Variants in UVRAG observed in about 807,000 individuals in gnomAD.
UVRAG encodes UV radiation resistance associated.
Under a neutral mutation model 78.0 loss-of-function variants are expected in UVRAG, and 19 were observed. The ratio of observed to expected loss-of-function variants is 0.24; its 90% CI spans 0.17 to 0.36. UVRAG has a LOEUF of 0.36. Ranked by LOEUF, UVRAG falls within the 10% of genes least tolerant of loss-of-function variation. The probability of loss-of-function intolerance (pLI) is 1.00; values close to 1 mark genes in which losing one functional copy is unlikely to be tolerated. For synonymous variants in UVRAG, 323 were observed against 324.6 expected (o/e 1.00, Z 0.05); for missense variants, 740 against 853.8 (o/e 0.87, Z 1.66).
intron 13 of UVRAG, among the ~76,000 whole-genome samples, chr11:76,082,865 A>G (rs540486237): frequency 6.6e-6 from 1 of 152,144 alleles, no homozygotes; most frequent in East Asian, 1.9e-4. Context: ...CCTCATCTCT[A>G]CTAAAAATGC....
At chr11:76,017,713 A>C (rs1454930773) in intron 12 of UVRAG, among the ~76,000 whole-genome samples, 1 of 152,182 alleles carries the variant, frequency 6.6e-6, no homozygotes, top group Non-Finnish European at 1.5e-5. Context: ...GGAACAATGG[A>C]AGCCAGATGG....
chr11:75,938,779 C>A (rs1394075092), intron 6 of UVRAG, among the ~76,000 whole-genome samples: 1 of 152,178 alleles, frequency 6.6e-6, no homozygotes, highest in African/African-American at 2.4e-5. Context: ...GATCAGTACT[C>A]AGCTGAATAT....
chr11:75,935,630 TC>T (rs1948357278), intron 6 of UVRAG, among the ~76,000 whole-genome samples: 1 of 152,176 alleles, frequency 6.6e-6, no homozygotes, highest in Admixed American at 6.5e-5. Flanking sequence ...TGCCTTTATT[TC>T]TTGAGTATTT....
chr11:76,028,646 A>G (rs1950377118), intron 12 of UVRAG, among the ~76,000 whole-genome samples: 1 of 152,302 alleles, frequency 6.6e-6, no homozygotes, highest in Non-Finnish European at 1.5e-5. Flanking sequence ...CAGCCGCAAC[A>G]TTCCCATAAG....
rs80030917 is a variant in UVRAG at position 76,011,743 on chromosome 11, T to C, written c.1060+2876T>C. On this transcript the variant is annotated intron_variant, in intron 11 of 14. Coordinates refer to ENST00000356136, the MANE Select transcript of UVRAG (RefSeq NM_003369.4). Reference sequence around the variant, plus strand: ...TGCCAGGTGTTGAGGGTGTAAGAGATGGTTAAGACATTGATCCTGCCTCAG... The same window carrying C: ...TGCCAGGTGTTGAGGGTGTAAGAGACGGTTAAGACATTGATCCTGCCTCAG... 4.2e-3 allele frequency among the ~76,000 whole-genome samples: 637 copies of C among 152,288 alleles called. 19 individuals carry two copies. Among genetic ancestry groups the C allele is most frequent in the Admixed American group, 0.029 (442 of 15,302 alleles).
intron 12 of UVRAG, 26 bp from the exon 13 acceptor site, chr11:76,065,684 A>C: frequency 6.2e-7 from 1 of 1,609,086 alleles, no homozygotes; most frequent in Non-Finnish European, 8.5e-7. Flanking sequence ...TTTTGAAAAT[A>C]TCTGATCCTT....
intron 13 of UVRAG, among the ~76,000 whole-genome samples, chr11:76,104,689 T>A (rs1031622502): frequency 6.6e-6 from 1 of 152,220 alleles, no homozygotes; most frequent in Admixed American, 6.5e-5. Flanking sequence ...ACCACACATA[T>A]ACATGCACAC....
intron 7 of UVRAG, among the ~76,000 whole-genome samples, chr11:75,981,923 TC>T (rs1314939477): frequency 1.3e-5 from 2 of 152,140 alleles, no homozygotes; most frequent in Non-Finnish European, 2.9e-5. Context: ...GTTTTTTTTT[TC>T]CTACTTTTTC....
At chr11:76,023,458 G>T (rs1483270564) in intron 12 of UVRAG, among the ~76,000 whole-genome samples, 1 of 151,182 alleles carries the variant, frequency 6.6e-6, no homozygotes, top group Non-Finnish European at 1.5e-5. Flanking sequence ...TGCCCCAGGT[G>T]GCTCTGGGTT....
chr11:76,132,432 G>A (rs974282824), intron 14 of UVRAG, among the ~76,000 whole-genome samples: 3 of 152,030 alleles, frequency 2.0e-5, no homozygotes, highest in East Asian at 3.9e-4. Context: ...GAAACATTTT[G>A]TAGGGAGGGA....
intron 11 of UVRAG, among the ~76,000 whole-genome samples, chr11:76,013,528 G>A (rs368830315): frequency 3.3e-5 from 5 of 152,188 alleles, no homozygotes; most frequent in Admixed American, 6.5e-5. Context: ...TGTTAGGGAC[G>A]TCATTAATGC....
In UVRAG at chr11:76,106,414, G is replaced by A. The variant is rs553066662; in HGVS notation, c.1306-9510G>A. On this transcript the variant is annotated intron_variant, in intron 13 of 14. Transcript: ENST00000356136. ...GGAATCCCGCTCTGTTGCCCAGACT[G>A]GAGTGCAGTGGCGTGATCTCAGCTC... 3.1e-4 allele frequency among the ~76,000 whole-genome samples: 47 copies of A among 152,088 alleles called. 1 individual carries two copies. The South Asian group carries it at 9.4e-3, about 30-fold the overall frequency.
At chr11:76,085,465 A>G (rs1340627073) in intron 13 of UVRAG, among the ~76,000 whole-genome samples, 2 of 152,214 alleles carry the variant, frequency 1.3e-5, no homozygotes, top group Non-Finnish European at 2.9e-5. Flanking sequence ...ATTGTACCAA[A>G]TGTGAATCAA....
At chr11:75,828,908 A>T (rs1211005582) in intron 1 of UVRAG, among the ~76,000 whole-genome samples, 1 of 149,344 alleles carries the variant, frequency 6.7e-6, no homozygotes, top group East Asian at 2.0e-4. Flanking sequence ...TTTGGTAGAG[A>T]TAGGGTTTTG....
chr11:75,895,456 AC>A (rs1947321101), intron 5 of UVRAG, among the ~76,000 whole-genome samples: 1 of 152,190 alleles, frequency 6.6e-6, no homozygotes, highest in South Asian at 2.1e-4. Flanking sequence ...GTTCATTTTC[AC>A]TTCCAGGAGT....
chr11:75,982,025 A>G (rs1949405549), intron 7 of UVRAG, among the ~76,000 whole-genome samples: 1 of 151,346 alleles, frequency 6.6e-6, no homozygotes, highest in African/African-American at 2.4e-5. Flanking sequence ...CACGTCTATC[A>G]TGTCAGTATT....
At chr11:76,088,590 A>G (rs535983069) in intron 13 of UVRAG, among the ~76,000 whole-genome samples, 5 of 150,920 alleles carry the variant, frequency 3.3e-5, no homozygotes, top group Non-Finnish European at 7.4e-5. Flanking sequence ...CAACTCCTGC[A>G]ACCACTTACC....
At position 76,022,053 on chromosome 11, in the gene UVRAG, CA is replaced by C. The variant is rs904466723; in HGVS notation, c.1226+5084del. ...TGGGTGACAGAGCAAGACCCTGTCT[CA>C]AAAAAAAAAAGAGCATTAATTTTCA... On this transcript the variant is annotated intron_variant, in intron 12 of 14. Transcript: ENST00000356136. 1.3e-3 allele frequency among the ~76,000 whole-genome samples: 182 copies of C among 141,454 alleles called. 1 individual carries two copies. The highest frequency in any genetic ancestry group is 3.4e-3 in the African/African-American group (132 of 38,530). 92.8% of individuals were successfully genotyped at this position (141,454 alleles called of 152,430 possible). A position where few individuals can be genotyped will look rare whatever the true frequency, so the allele number is the denominator to read the frequency against.
chr11:76,136,927 T>G (rs933483355), intron 14 of UVRAG, among the ~76,000 whole-genome samples: 3 of 152,240 alleles, frequency 2.0e-5, no homozygotes, highest in Non-Finnish European at 2.9e-5. Flanking sequence ...ATAGTTAACA[T>G]AGTTTTAGTT....
Sources: allele counts gnomAD v4.1 joint callset (sites outside exome capture counted in the v4.1 genomes callset), GRCh38; gene constraint gnomAD v4.1.1; transcripts MANE v1.5; gene names NCBI Gene and HGNC (gene_info 2026-07-23, HGNC 2026-07-21).